Variants in EPHA5 observed in about 807,000 individuals in gnomAD.
EPHA5 encodes the protein ephrin type-A receptor 5.
EPHA5 carries 60 observed loss-of-function variants against 105.0 expected under a neutral mutation model. The observed-to-expected ratio is 0.57, with a 90% CI of 0.46 to 0.71. EPHA5 has a LOEUF of 0.71. Among genes scored for constraint, EPHA5 ranks in the 30% least tolerant of loss-of-function variants. The pLI, the probability that EPHA5 is intolerant of heterozygous loss-of-function variation, is 0.00. For synonymous variants in EPHA5, 513 were observed against 449.1 expected, an observed-to-expected ratio of 1.14 and a Z score of -1.80; for missense variants, 1,218 against 1,274.7, an observed-to-expected ratio of 0.96 and a Z score of 0.68.
chr4:65,639,510 T>C (rs1747452169), intron 2 of EPHA5, among the ~76,000 whole-genome samples: 1 of 152,188 alleles, frequency 6.6e-6, no homozygotes, highest in African/African-American at 2.4e-5. Context: ...CTTGCTACTT[T>C]TGAAATTCTC....
chr4:65,508,552 A>T (rs57253928), intron 3 of EPHA5, among the ~76,000 whole-genome samples: 8,784 of 152,194 alleles, frequency 0.058, 865 homozygotes, highest in African/African-American at 0.2. Context: ...TAAAATAAAA[A>T]AGTACAATTA....
At chr4:65,528,534 T>A (rs1174246368) in intron 3 of EPHA5, among the ~76,000 whole-genome samples, 2 of 152,132 alleles carry the variant, frequency 1.3e-5, no homozygotes, top group South Asian at 2.1e-4. Context: ...CAGGCACTTG[T>A]TTATTAAAAT....
At chr4:65,653,572 C>G (rs1488624874) in intron 1 of EPHA5, among the ~76,000 whole-genome samples, 1 of 151,876 alleles carries the variant, frequency 6.6e-6, no homozygotes, top group Non-Finnish European at 1.5e-5. Context: ...TAAAATTAGT[C>G]TATTAAAATA....
intron 2 of EPHA5, among the ~76,000 whole-genome samples, chr4:65,615,243 T>G (rs1349784354): frequency 1.3e-5 from 2 of 150,720 alleles, no homozygotes; most frequent in Non-Finnish European, 3.0e-5. Context: ...GTACAATAGT[T>G]GATTAAATAG....
intron 1 of EPHA5, among the ~76,000 whole-genome samples, chr4:65,664,433 C>T (rs984858996): frequency 1.3e-5 from 2 of 151,750 alleles, no homozygotes; most frequent in African/African-American, 4.8e-5. Flanking sequence ...AAAAAATGAA[C>T]CCATTTTAAT....
At chr4:65,351,903 C>T (rs1722854866) in intron 12 of EPHA5, among the ~76,000 whole-genome samples, 1 of 151,998 alleles carries the variant, frequency 6.6e-6, no homozygotes, top group Non-Finnish European at 1.5e-5. Context: ...CACACTCCAA[C>T]CTAGTATCTG....
chr4:65,555,752 A>T (rs917086952), intron 3 of EPHA5, among the ~76,000 whole-genome samples: 5 of 142,478 alleles, frequency 3.5e-5, no homozygotes, highest in African/African-American at 6.2e-5. Context: ...CATGAGGCCA[A>T]ACTAGTGCTA....
intron 3 of EPHA5, among the ~76,000 whole-genome samples, chr4:65,530,130 T>C (rs1735627667): frequency 6.6e-6 from 1 of 152,136 alleles, no homozygotes; most frequent in Non-Finnish European, 1.5e-5. Flanking sequence ...ATAGGATTAT[T>C]ACATTTAGTT....
At position 65,602,248 on chromosome 4, in the gene EPHA5, T is replaced by C. The variant is rs940677045; in HGVS notation, c.303A>G (p.Val101=). ...TCTGATTCTGTTCCATCACTTTGCATACTTGGTATGTGTGGATAGGGGCAT... is the reference window on the plus strand; with the variant it reads ...TCTGATTCTGTTCCATCACTTTGCACACTTGGTATGTGTGGATAGGGGCAT... ...ENYAPIHTYQ[V]CKVMEQNQNN... Residue 101 remains valine, a synonymous_variant, in exon 3 of 17, where the codon GTA becomes GTG. Transcript: ENST00000613740. The C allele has an allele frequency of 3.1e-6, 5 of 1,611,858 alleles. No homozygotes were observed. The Admixed American group carries it at 5.0e-5, about 16-fold the overall frequency.
chr4:65,476,430 C>A (rs1334095970), intron 5 of EPHA5, among the ~76,000 whole-genome samples: 1 of 152,036 alleles, frequency 6.6e-6, no homozygotes, highest in East Asian at 1.9e-4. Flanking sequence ...ATGTCTTTTG[C>A]AGCAATATGA....
chr4:65,418,907 G>A (rs1170627616), intron 6 of EPHA5, among the ~76,000 whole-genome samples: 1 of 47,674 alleles, frequency 2.1e-5, no homozygotes, highest in Non-Finnish European at 3.7e-5. Flanking sequence ...CTTCGAGACT[G>A]AGTTTTGCTC....
At chr4:65,610,947 C>T (rs181813326) in intron 2 of EPHA5, among the ~76,000 whole-genome samples, 1 of 152,146 alleles carries the variant, frequency 6.6e-6, no homozygotes, top group African/African-American at 2.4e-5. Flanking sequence ...GATGATTAGG[C>T]CAACATTTGA....
chr4:65,529,417 T>TATGCATATTATATGCACACACACAA lies in EPHA5; in HGVS notation c.911-33899_911-33875dup, dbSNP rs766302655. The stretch of plus-strand genomic sequence containing the variant: ...ACCTATGTTTATCTGTGTGCATACG[T>TATGCATATTATATGCACACACACAA]ATGCATATTATATGCACACACACAA... On this transcript the variant is annotated intron_variant, in intron 3 of 16. Transcript: ENST00000613740. 4.8e-3 allele frequency among the ~76,000 whole-genome samples: 732 copies of TATGCATATTATATGCACACACACAA among 152,062 alleles called. 3 individuals carry two copies. The highest frequency in any genetic ancestry group is 0.014 in the Middle Eastern group (4 of 294).
intron 3 of EPHA5, among the ~76,000 whole-genome samples, chr4:65,580,263 C>A (rs960073806): frequency 2.6e-5 from 4 of 151,528 alleles, no homozygotes; most frequent in African/African-American, 7.3e-5. Flanking sequence ...ACTACAGAAC[C>A]AAACAATTTT....
At chr4:65,365,474 A>T (rs1330828639) in intron 10 of EPHA5, among the ~76,000 whole-genome samples, 2 of 150,910 alleles carry the variant, frequency 1.3e-5, no homozygotes, top group Non-Finnish European at 3.0e-5. Flanking sequence ...AAAACCTTTT[A>T]AAAAAGAATG....
At chr4:65,542,207 G>T (rs916486206) in intron 3 of EPHA5, among the ~76,000 whole-genome samples, 1 of 151,844 alleles carries the variant, frequency 6.6e-6, no homozygotes, top group African/African-American at 2.4e-5. Context: ...AAATCAAAAA[G>T]CTAGCAGAAG....
intron 5 of EPHA5, among the ~76,000 whole-genome samples, chr4:65,442,362 C>A (rs1321311752): frequency 6.6e-6 from 1 of 152,132 alleles, no homozygotes; most frequent in Non-Finnish European, 1.5e-5. Flanking sequence ...CAACTGTGTG[C>A]AAACCAGTAA....
intron 3 of EPHA5, among the ~76,000 whole-genome samples, chr4:65,585,296 T>C (rs1383639518): frequency 6.6e-6 from 1 of 151,626 alleles, no homozygotes; most frequent in Non-Finnish European, 1.5e-5. Context: ...GGGGTGTAAG[T>C]AGAAGAAATC....
chr4:65,639,395 A>T (rs964445538), intron 2 of EPHA5, among the ~76,000 whole-genome samples: 4 of 152,152 alleles, frequency 2.6e-5, no homozygotes, highest in Admixed American at 2.0e-4. Flanking sequence ...CTCTTCTTGC[A>T]TTTTGAAGAG....
Sources: allele counts gnomAD v4.1 joint callset (sites outside exome capture counted in the v4.1 genomes callset), GRCh38; gene constraint gnomAD v4.1.1; transcripts MANE v1.5; gene names NCBI Gene and HGNC (gene_info 2026-07-23, HGNC 2026-07-21).